The following IKBKB-DT variants were observed in gnomAD, a reference collection of about 807,000 sequenced individuals.
The protein encoded by IKBKB-DT is IKBKB antisense RNA.
chr8:42,271,094 CGG>C, exon 1 of IKBKB-DT: 1 of 418,630 alleles, frequency 2.4e-6, no homozygotes, highest in Non-Finnish European at 4.4e-6. Flanking sequence ...CAGGGTGTAA[CGG>C]GGGTCATTTC....
chr8:42,261,936 T>A (rs1807294604), intron 3 of IKBKB-DT, among the ~76,000 whole-genome samples: 1 of 152,238 alleles, frequency 6.6e-6, no homozygotes, highest in Non-Finnish European at 1.5e-5. Context: ...GCAGCCTGGA[T>A]AATCTGGGCG....
intron 3 of IKBKB-DT, among the ~76,000 whole-genome samples, chr8:42,239,331 C>T (rs577725342): frequency 3.9e-5 from 6 of 151,900 alleles, no homozygotes; most frequent in South Asian, 2.1e-4. Context: ...ATCTCCTTCT[C>T]GCTCCCTTTA....
chr8:42,237,879 G>T (rs957384994), intron 3 of IKBKB-DT, among the ~76,000 whole-genome samples: 6 of 151,904 alleles, frequency 3.9e-5, no homozygotes, highest in Admixed American at 6.6e-5. Flanking sequence ...AACAAAATTA[G>T]CTGGGTGTGG....
At chr8:42,271,126 G>A (rs938085896) in exon 1 of IKBKB-DT, 29 of 507,188 alleles carry the variant, frequency 5.7e-5, no homozygotes, top group African/African-American at 5.5e-4. Context: ...CTTTTAAATC[G>A]GTGAGCACGG....
At chr8:42,245,616 TCTCGAGGGG>T (rs1478627669) in intron 3 of IKBKB-DT, among the ~76,000 whole-genome samples, 10 of 152,300 alleles carry the variant, frequency 6.6e-5, no homozygotes, top group Admixed American at 3.3e-4. Flanking sequence ...TGAAATCCTG[TCTCGAGGGG>T]CTCATTGTTT....
chr8:42,254,066 A>G (rs1807162832), intron 3 of IKBKB-DT, among the ~76,000 whole-genome samples: 1 of 152,220 alleles, frequency 6.6e-6, no homozygotes, highest in African/African-American at 2.4e-5. Context: ...CATAAAGTAC[A>G]TTGATTTCTT....
chr8:42,252,635 G>A (rs1807143778), intron 3 of IKBKB-DT, among the ~76,000 whole-genome samples: 1 of 152,204 alleles, frequency 6.6e-6, no homozygotes, highest in Non-Finnish European at 1.5e-5. Context: ...CCAATGTGCT[G>A]GGATTACAGG....
intron 3 of IKBKB-DT, among the ~76,000 whole-genome samples, chr8:42,248,094 GAAAA>G: frequency 7.6e-6 from 1 of 132,024 alleles, no homozygotes. Flanking sequence ...CTCCGTCTCG[GAAAA>G]AAAAAAAAAA....
At chr8:42,242,659 C>T (rs1236737161) in intron 3 of IKBKB-DT, among the ~76,000 whole-genome samples, 1 of 152,172 alleles carries the variant, frequency 6.6e-6, no homozygotes, top group Non-Finnish European at 1.5e-5. Context: ...GCAGCATCTG[C>T]GGCTGATGCC....
intron 3 of IKBKB-DT, among the ~76,000 whole-genome samples, chr8:42,261,940 C>A (rs1393853188): frequency 6.6e-6 from 1 of 152,244 alleles, no homozygotes; most frequent in Non-Finnish European, 1.5e-5. Flanking sequence ...CCTGGATAAT[C>A]TGGGCGCCTC....
At chr8:42,269,348 A>G (rs898947887) in intron 1 of IKBKB-DT, among the ~76,000 whole-genome samples, 1 of 145,854 alleles carries the variant, frequency 6.9e-6, no homozygotes, top group Non-Finnish European at 1.5e-5. Context: ...AAGGAAAGAA[A>G]AGGAAAGGAA....
At chr8:42,257,618 T>G (rs1462822713) in intron 3 of IKBKB-DT, among the ~76,000 whole-genome samples, 1 of 151,940 alleles carries the variant, frequency 6.6e-6, no homozygotes, top group Non-Finnish European at 1.5e-5. Context: ...ATGTAGAGTT[T>G]GATTTTTCAA....
At chr8:42,256,380 A>T (rs948903085) in intron 3 of IKBKB-DT, among the ~76,000 whole-genome samples, 1 of 150,698 alleles carries the variant, frequency 6.6e-6, no homozygotes, top group South Asian at 2.1e-4. Flanking sequence ...TGGCCAACAT[A>T]GTGAAACCCC....
intron 3 of IKBKB-DT, among the ~76,000 whole-genome samples, chr8:42,252,042 G>A (rs558048772): frequency 3.3e-5 from 5 of 152,206 alleles, no homozygotes; most frequent in Admixed American, 2.0e-4. Context: ...TGGCTGCTGC[G>A]CCAATAGGAA....
intron 3 of IKBKB-DT, among the ~76,000 whole-genome samples, chr8:42,254,816 C>T (rs991312641): frequency 6.6e-6 from 1 of 150,510 alleles, no homozygotes; most frequent in African/African-American, 2.4e-5. Context: ...GCTACCCCAT[C>T]TGGGAAGTGA....
chr8:42,240,890 G>A (rs1345995356), intron 3 of IKBKB-DT, among the ~76,000 whole-genome samples: 4 of 151,996 alleles, frequency 2.6e-5, no homozygotes, highest in South Asian at 2.1e-4. Context: ...CAGAAGAATC[G>A]CTTGAGCCCT....
intron 3 of IKBKB-DT, among the ~76,000 whole-genome samples, chr8:42,252,629 T>A (rs1185713118): frequency 6.6e-6 from 1 of 152,184 alleles, no homozygotes; most frequent in African/African-American, 2.4e-5. Flanking sequence ...GGCCTCCCAA[T>A]GTGCTGGGAT....
intron 3 of IKBKB-DT, among the ~76,000 whole-genome samples, chr8:42,246,832 G>A (rs747695800): frequency 3.3e-5 from 5 of 152,136 alleles, no homozygotes; most frequent in East Asian, 1.9e-4. Context: ...ATTTTTCCAC[G>A]GACCTGGGGT....
chr8:42,247,322 A>G (rs1446120335), intron 3 of IKBKB-DT, among the ~76,000 whole-genome samples: 1 of 152,216 alleles, frequency 6.6e-6, no homozygotes, highest in African/African-American at 2.4e-5. Context: ...GGACTTGCAT[A>G]GGACCAGTGG....
Sources: allele counts gnomAD v4.1 joint callset (sites outside exome capture counted in the v4.1 genomes callset), GRCh38; gene constraint gnomAD v4.1.1; transcripts MANE v1.5; gene names NCBI Gene and HGNC (gene_info 2026-07-23, HGNC 2026-07-21).